Variants in COP1 observed in about 807,000 individuals in gnomAD.
COP1 encodes the protein E3 ubiquitin-protein ligase COP1.
COP1 carries 24 observed loss-of-function variants against 101.3 expected under a neutral mutation model. The ratio of observed to expected loss-of-function variants is 0.24; its 90% CI spans 0.17 to 0.33. The LOEUF (loss-of-function observed/expected upper bound fraction) is 0.33, where lower values mean the gene tolerates loss of function less well. COP1 is among the 10% of genes least tolerant of loss of function. The pLI, the probability that COP1 is intolerant of heterozygous loss-of-function variation, is 1.00. For missense variants in COP1, 663 were observed against 906.2 expected (o/e 0.73, Z 3.45); for synonymous variants, 347 against 341.9 (o/e 1.01, Z -0.17).
chr1:175,947,990 G>A (rs1649399822), intron 18 of COP1, among the ~76,000 whole-genome samples: 1 of 152,160 alleles, frequency 6.6e-6, no homozygotes, highest in South Asian at 2.1e-4. Context: ...AATCTCTATG[G>A]ATGGACATTT....
chr1:176,139,775 T>C (rs938454539), intron 6 of COP1, among the ~76,000 whole-genome samples: 2 of 152,038 alleles, frequency 1.3e-5, no homozygotes, highest in Non-Finnish European at 2.9e-5. Context: ...CTCATAAAGA[T>C]GGTTACAACA....
At chr1:176,043,469 T>C (rs1370922204) in intron 13 of COP1, among the ~76,000 whole-genome samples, 1 of 152,166 alleles carries the variant, frequency 6.6e-6, no homozygotes, top group Non-Finnish European at 1.5e-5. Flanking sequence ...TTATTGCTTT[T>C]AGAAATTTAC....
At position 175,955,766 on chromosome 1, in the gene COP1, CCACACACACACA is replaced by C. The variant is rs60306255; in HGVS notation, c.2134-8539_2134-8528del. ...AAAGCATGAATCATTTAGAGACAAA[CCACACACACACA>C]CACACACACACACACACACACACGG... On this transcript the variant is annotated intron_variant, in intron 18 of 19. Coordinates refer to ENST00000367669, the MANE Select transcript of COP1 (RefSeq NM_022457.7). 4.4e-3 allele frequency among the ~76,000 whole-genome samples: 574 copies of C among 129,284 alleles called. 7 individuals carry two copies. Among genetic ancestry groups the C allele is most frequent in the Non-Finnish European group, 6.5e-3 (404 of 61,762 alleles). The allele number at this position is 129,284 out of a possible 152,430, so 84.8% of individuals were successfully genotyped here. A position where few individuals can be genotyped will look rare whatever the true frequency, so the allele number is the denominator to read the frequency against.
At chr1:176,042,184 T>C (rs2149172181) in intron 14 of COP1, among the ~76,000 whole-genome samples, 1 of 146,252 alleles carries the variant, frequency 6.8e-6, no homozygotes, top group South Asian at 2.2e-4. Flanking sequence ...GGCAGGAGAA[T>C]CACTTGAACC....
At chr1:176,039,624 A>T (rs746415934) in intron 14 of COP1, among the ~76,000 whole-genome samples, 3 of 152,160 alleles carry the variant, frequency 2.0e-5, no homozygotes, top group Non-Finnish European at 4.4e-5. Flanking sequence ...ATTTCAAGAG[A>T]TCCCAAATAA....
At position 176,114,032 on chromosome 1, in the gene COP1, C is replaced by T. The variant is rs145548498; in HGVS notation, c.1026+2592G>A. Among the ~76,000 whole-genome samples the T allele has an allele frequency of 2.7e-3, 395 of 147,834 alleles. 3 individuals are homozygous for T. Among genetic ancestry groups the T allele is most frequent in the African/African-American group, 9.4e-3 (377 of 40,280 alleles). On this transcript the variant is annotated intron_variant, in intron 9 of 19. Transcript: ENST00000367669. Reference sequence around the variant, plus strand: ...TATGGAGTGATCTTGCTTTTTGTTTCGCTTCATCAGTCACAGGGAGTAGCC... The same window carrying T: ...TATGGAGTGATCTTGCTTTTTGTTTTGCTTCATCAGTCACAGGGAGTAGCC...
chr1:176,138,573 T>C (rs976337410), intron 6 of COP1, among the ~76,000 whole-genome samples: 6 of 152,166 alleles, frequency 3.9e-5, no homozygotes, highest in East Asian at 3.8e-4. Context: ...AGCTGCTCAA[T>C]TGATACTGCT....
intron 2 of COP1, among the ~76,000 whole-genome samples, chr1:176,182,382 G>A (rs543088036): frequency 5.3e-5 from 8 of 152,256 alleles, no homozygotes; most frequent in Middle Eastern, 3.4e-3. Context: ...TTCTTTTAGC[G>A]CTAGATGAGT....
intron 12 of COP1, among the ~76,000 whole-genome samples, chr1:176,044,110 T>C (rs766501495): frequency 3.9e-5 from 6 of 152,208 alleles, no homozygotes; most frequent in Non-Finnish European, 5.9e-5. Context: ...GAGGAAACGA[T>C]GTCTATCAGT....
At chr1:176,058,531 T>C (rs1412678638) in intron 11 of COP1, among the ~76,000 whole-genome samples, 1 of 152,154 alleles carries the variant, frequency 6.6e-6, no homozygotes, top group Admixed American at 6.5e-5. Context: ...GTGCAAGATG[T>C]GCTTTGTTAA....
intron 11 of COP1, among the ~76,000 whole-genome samples, chr1:176,057,386 C>T (rs1334154084): frequency 6.6e-6 from 1 of 152,144 alleles, no homozygotes; most frequent in Non-Finnish European, 1.5e-5. Flanking sequence ...TGATGCCGAG[C>T]GGAAGCTGAA....
At chr1:175,965,628 G>A (rs576473350) in intron 18 of COP1, among the ~76,000 whole-genome samples, 48 of 150,240 alleles carry the variant, frequency 3.2e-4, no homozygotes, top group Non-Finnish European at 6.0e-4. Context: ...TCGCTCTGTC[G>A]CTCAGGCTGG....
rs796687324 is a variant in COP1 at position 176,017,511 on chromosome 1, A to G, written c.1729+10061T>C. ...GGTTACTAATATTTATCTCATACAG[A>G]TATCATTACTTTTATTTTTATTTAT... On this transcript the variant is annotated intron_variant, in intron 15 of 19. Transcript: ENST00000367669. 3.3e-5 allele frequency: 5 copies of G among 152,148 alleles called. 1 individual carries two copies. Among genetic ancestry groups the G allele is most frequent in the African/African-American group, 1.2e-4 (5 of 41,516 alleles). 9.4% of individuals were successfully genotyped at this position (152,148 alleles called of 1,614,324 possible).
chr1:176,168,388 G>C lies in COP1; in HGVS notation c.566-4497C>G, dbSNP rs1202144063. Among the ~76,000 whole-genome samples the C allele has an allele frequency of 2.1e-5, 3 of 145,260 alleles. No homozygotes were observed. The East Asian group carries it at 6.4e-4, about 31-fold the overall frequency. ...TTTTATATATAGAGAGAAAGGTAGA[G>C]AAAAAGACAGCTGGGTGGGTGGGGG... On this transcript the variant is annotated intron_variant, in intron 3 of 19. Coordinates refer to ENST00000367669, the MANE Select transcript of COP1 (RefSeq NM_022457.7).
chr1:176,081,757 A>G (rs1443417185), intron 10 of COP1, among the ~76,000 whole-genome samples: 2 of 152,118 alleles, frequency 1.3e-5, no homozygotes, highest in African/African-American at 2.4e-5. Context: ...ATAAGAAGAA[A>G]TATTTGGTCA....
At position 176,085,897 on chromosome 1, in the gene COP1, T is replaced by C; in HGVS notation, c.1027-7A>G. 6.6e-7 allele frequency: 1 copy of C among 1,524,972 alleles called. No individual in the cohort carries two copies. Among genetic ancestry groups the C allele is most frequent in the Non-Finnish European group, 9.0e-7 (1 of 1,106,268 alleles). The allele number at this position is 1,524,972 out of a possible 1,614,324, so 94.5% of individuals were successfully genotyped here. A position where few individuals can be genotyped will look rare whatever the true frequency, so the allele number is the denominator to read the frequency against. On this transcript the variant is annotated splice_polypyrimidine_tract_variant and splice_region_variant and intron_variant, in intron 9 of 19. Transcript: ENST00000367669. ...ACCAAGGCTGTTTCTTTGTCTAAAA[T>C]AATAAGAAAAGACACAAAACTTAGA...
intron 11 of COP1, among the ~76,000 whole-genome samples, chr1:176,075,267 T>C (rs1572079558): frequency 6.6e-6 from 1 of 152,248 alleles, no homozygotes; most frequent in South Asian, 2.1e-4. Context: ...TCTTACTCAT[T>C]ACTGAGTTAA....
At chr1:176,107,206 TATATTAATAC>T (rs1684475125) in intron 9 of COP1, among the ~76,000 whole-genome samples, 1 of 152,156 alleles carries the variant, frequency 6.6e-6, no homozygotes, top group Non-Finnish European at 1.5e-5. Context: ...TATAACAATG[TATATTAATAC>T]ATATGAATAC....
At chr1:176,201,522 T>C (rs1317421304) in intron 1 of COP1, among the ~76,000 whole-genome samples, 4 of 152,248 alleles carry the variant, frequency 2.6e-5, no homozygotes, top group Admixed American at 6.5e-5. Flanking sequence ...TGGCTCATTA[T>C]CAGAAAAGGT....
Sources: allele counts gnomAD v4.1 joint callset (sites outside exome capture counted in the v4.1 genomes callset), GRCh38; gene constraint gnomAD v4.1.1; transcripts MANE v1.5; gene names NCBI Gene and HGNC (gene_info 2026-07-23, HGNC 2026-07-21).